The following SEC24B variants were observed in gnomAD, a reference collection of about 807,000 sequenced individuals.
The protein encoded by SEC24B is protein transport protein Sec24B.
In SEC24B, 45 loss-of-function variants were observed where a neutral mutation model predicts 142.8. The ratio of observed to expected loss-of-function variants is 0.32; its 90% CI spans 0.25 to 0.40. SEC24B has a LOEUF of 0.40. SEC24B is among the 10% of genes least tolerant of loss of function. SEC24B has a pLI of 1.00. For synonymous variants in SEC24B, 574 were observed against 568.2 expected (o/e 1.01, Z -0.15); for missense variants, 1,409 against 1,526.8 (o/e 0.92, Z 1.29).
rs1185371271 is a variant in SEC24B, at chr4:109,532,703, A to C, written c.3455A>C (p.Lys1152Thr). ...QPPLQKLSAE[K>T]LTREGAFLMD... is the part of the protein sequence containing the mutation. ...CCTCTTCAAAAATTGTCTGCAGAGA[A>C]GCTGACAAGAGAAGGTGCTTTCCTT... The change falls in exon 21 of 24, where the codon AAG becomes ACG. Residue 1152 changes from lysine to threonine, a missense_variant. Around this residue, in one of 2 missense-constraint regions of SEC24B, gnomAD observed 700 missense variants for 853.3 expected, o/e 0.82. Coordinates refer to ENST00000265175, the MANE Select transcript of SEC24B (RefSeq NM_006323.5). 1 of 1,609,322 alleles carries C rather than the reference A, an allele frequency of 6.2e-7. No homozygotes were observed. The highest frequency in any genetic ancestry group is 8.5e-7 in the Non-Finnish European group (1 of 1,175,586).
intron 5 of SEC24B, among the ~76,000 whole-genome samples, chr4:109,492,545 A>G (rs1363478316): frequency 6.6e-6 from 1 of 152,232 alleles, no homozygotes; most frequent in Non-Finnish European, 1.5e-5. Context: ...TTCTAATCTT[A>G]TAATGAACTA....
At chr4:109,502,016 G>A (rs1736208628) in intron 6 of SEC24B, among the ~76,000 whole-genome samples, 1 of 152,202 alleles carries the variant, frequency 6.6e-6, no homozygotes, top group South Asian at 2.1e-4. Flanking sequence ...GTAGTTTCTG[G>A]GGTGAAAATG....
chr4:109,532,560 A>G (rs1725042284), intron 20 of SEC24B, 79 bp from the exon 21 acceptor site: 2 of 990,844 alleles, frequency 2.0e-6, no homozygotes, highest in African/African-American at 3.2e-5. Flanking sequence ...AATGCTTCAT[A>G]AAGGGTTAGT....
At chr4:109,493,894 C>G (rs554470168) in intron 5 of SEC24B, among the ~76,000 whole-genome samples, 6 of 152,276 alleles carry the variant, frequency 3.9e-5, no homozygotes, top group African/African-American at 1.4e-4. Context: ...CACGCCCAGC[C>G]TCTAGACACT....
At chr4:109,477,628 C>T (rs1372587121) in intron 3 of SEC24B, among the ~76,000 whole-genome samples, 1 of 152,068 alleles carries the variant, frequency 6.6e-6, no homozygotes, top group African/African-American at 2.4e-5. Context: ...GCCTGGCTAC[C>T]ATACCCTGTA....
At chr4:109,514,458 G>A (rs550347593) in intron 10 of SEC24B, among the ~76,000 whole-genome samples, 8 of 152,260 alleles carry the variant, frequency 5.3e-5, no homozygotes, top group Admixed American at 2.0e-4. Context: ...CAGCACTTGC[G>A]GAGGCTGAGG....
intron 1 of SEC24B, 81 bp downstream of exon 1, chr4:109,434,083 C>T: frequency 4.2e-6 from 4 of 954,020 alleles, no homozygotes; most frequent in Non-Finnish European, 5.0e-6. Context: ...CGGGGCGGGC[C>T]GGGCCGGGAA....
chr4:109,437,607 A>G (rs1295995454), intron 1 of SEC24B, among the ~76,000 whole-genome samples: 1 of 151,938 alleles, frequency 6.6e-6, no homozygotes, highest in Non-Finnish European at 1.5e-5. Context: ...TTCTTTTACA[A>G]GTGGTTAGCA....
chr4:109,539,840 G>C lies in SEC24B; in HGVS notation c.*165G>C. 1.7e-6 allele frequency: 1 copy of C among 580,860 alleles called. No homozygotes were observed. 36.0% of individuals were successfully genotyped at this position (580,860 alleles called of 1,614,324 possible). A position where few individuals can be genotyped will look rare whatever the true frequency, so the allele number is the denominator to read the frequency against. On this transcript the variant is annotated 3_prime_UTR_variant, in exon 24 of 24. Coordinates refer to ENST00000265175, the MANE Select transcript of SEC24B (RefSeq NM_006323.5). ...AAAAGTAAAGGGGAAGAAAGAACTT[G>C]ACAGATCTTTTTCAACTCAAATTAA...
intron 1 of SEC24B, among the ~76,000 whole-genome samples, chr4:109,436,992 C>G (rs1177023239): frequency 6.6e-6 from 1 of 152,110 alleles, no homozygotes; most frequent in Non-Finnish European, 1.5e-5. Flanking sequence ...GTAATTGAAC[C>G]TAAGGAGGGG....
chr4:109,506,535 A>G, intron 7 of SEC24B, 23 bp downstream of exon 7: 1 of 1,408,186 alleles, frequency 7.1e-7, no homozygotes, highest in East Asian at 2.5e-5. Context: ...TTATTTTATA[A>G]TCTTTCTTAA....
At chr4:109,485,788 G>A (rs1358012850) in intron 4 of SEC24B, among the ~76,000 whole-genome samples, 5 of 152,252 alleles carry the variant, frequency 3.3e-5, no homozygotes, top group East Asian at 3.9e-4. Context: ...ATAAAGTAGC[G>A]ATTTGGAGTG....
intron 22 of SEC24B, 80 bp from the exon 23 acceptor site, chr4:109,538,413 T>A: frequency 1.1e-6 from 1 of 876,400 alleles, no homozygotes; most frequent in Non-Finnish European, 1.9e-6. Context: ...TTGGGGGTGA[T>A]GGTAGGAATC....
chr4:109,455,343 A>G (rs1174352286), intron 1 of SEC24B, among the ~76,000 whole-genome samples: 5 of 151,856 alleles, frequency 3.3e-5, no homozygotes, highest in Admixed American at 6.6e-5. Context: ...TCCGCCTCCC[A>G]GGTTCAAGCG....
intron 3 of SEC24B, among the ~76,000 whole-genome samples, chr4:109,480,298 A>G (rs1733606394): frequency 6.6e-6 from 1 of 152,106 alleles, no homozygotes; most frequent in Non-Finnish European, 1.5e-5. Flanking sequence ...AGAGAGCATT[A>G]AAGCACTATC....
chr4:109,503,506 G>A (rs946053599), intron 6 of SEC24B, among the ~76,000 whole-genome samples: 1 of 152,070 alleles, frequency 6.6e-6, no homozygotes, highest in Admixed American at 6.6e-5. Context: ...TTACAGGCAT[G>A]AGCCACTGTG....
chr4:109,469,195 A>G (rs1307301416), intron 2 of SEC24B, among the ~76,000 whole-genome samples: 1 of 152,238 alleles, frequency 6.6e-6, no homozygotes, highest in Admixed American at 6.5e-5. Context: ...CAGAAACTAA[A>G]CAGTGCAGCA....
intron 4 of SEC24B, among the ~76,000 whole-genome samples, chr4:109,482,880 C>T (rs1192008016): frequency 2.2e-5 from 3 of 138,984 alleles, no homozygotes; most frequent in Non-Finnish European, 4.6e-5. Flanking sequence ...AATCCGCCCA[C>T]CTCAACCTCC....
At chr4:109,513,205 C>T (rs929539920) in intron 9 of SEC24B, among the ~76,000 whole-genome samples, 1 of 151,484 alleles carries the variant, frequency 6.6e-6, no homozygotes, top group Non-Finnish European at 1.5e-5. Context: ...GAACTCCTGA[C>T]CTCGTGATCT....
Sources: allele counts gnomAD v4.1 joint callset (sites outside exome capture counted in the v4.1 genomes callset), GRCh38; gene constraint gnomAD v4.1.1; regional missense constraint gnomAD v4.1.1; transcripts MANE v1.5; gene names NCBI Gene and HGNC (gene_info 2026-07-23, HGNC 2026-07-21).